RALYL: variants seen among roughly 807,000 people sequenced by gnomAD.
RALYL encodes the protein RNA-binding Raly-like protein.
Under a neutral mutation model 35.1 loss-of-function variants are expected in RALYL, and 29 were observed. The ratio of observed to expected loss-of-function variants is 0.83; its 90% CI spans 0.61 to 1.13. The LOEUF is 1.13. Ranked by LOEUF, RALYL falls within the 50% of genes most tolerant of loss-of-function variation. The pLI is 0.00. For synonymous variants in RALYL, 120 were observed against 127.6 expected, an observed-to-expected ratio of 0.94 and a Z score of 0.40; for missense variants, 359 against 360.4, an observed-to-expected ratio of 1.00 and a Z score of 0.03.
chr8:84,253,978 A>AAGGGCATTAATCCATTGAC (rs1830739266), intron 1 of RALYL, among the ~76,000 whole-genome samples: 3 of 152,230 alleles, frequency 2.0e-5, no homozygotes, highest in South Asian at 2.1e-4. Flanking sequence ...TATTTCTCAT[A>AAGGGCATTAATCCATTGAC]TTTTTGTAAA....
At chr8:84,590,071 A>G (rs1001671308) in intron 2 of RALYL, among the ~76,000 whole-genome samples, 1 of 152,214 alleles carries the variant, frequency 6.6e-6, no homozygotes, top group Admixed American at 6.5e-5. Context: ...TTTGGAAGAT[A>G]TAATCTTCCT....
intron 7 of RALYL, among the ~76,000 whole-genome samples, chr8:84,882,138 G>A (rs539433157): frequency 7.2e-5 from 11 of 151,972 alleles, no homozygotes; most frequent in African/African-American, 2.7e-4. Context: ...CATAATGTAG[G>A]TGTCTTAGAG....
At chr8:84,524,328 C>A (rs563116498) in intron 1 of RALYL, among the ~76,000 whole-genome samples, 39 of 152,242 alleles carry the variant, frequency 2.6e-4, no homozygotes, top group African/African-American at 8.7e-4. Flanking sequence ...GACATTTATG[C>A]AGCCAAAAAA....
chr8:84,640,166 A>C lies in RALYL; in HGVS notation c.256+110589A>C, dbSNP rs543749511. Among the ~76,000 whole-genome samples the C allele has an allele frequency of 7.7e-4, 117 of 152,156 alleles. 1 individual carries two copies. In the South Asian group the frequency reaches 0.012, roughly 16 times the overall value. ...ACAGAAACATAGGTCATTGTAAAACAATAGTTACTCATTTAACCCAAGTAA... is the reference window on the plus strand; with the variant it reads ...ACAGAAACATAGGTCATTGTAAAACCATAGTTACTCATTTAACCCAAGTAA... On this transcript the variant is annotated intron_variant, in intron 2 of 8. Coordinates refer to ENST00000521268, the MANE Select transcript of RALYL (RefSeq NM_173848.7).
At chr8:84,913,039 G>GATA (rs1357713065) in intron 8 of RALYL, among the ~76,000 whole-genome samples, 2,286 of 132,052 alleles carry the variant, frequency 0.017, 34 homozygotes, top group East Asian at 0.081. Context: ...TGGATAGGTA[G>GATA]GTAGATAGAT....
intron 2 of RALYL, among the ~76,000 whole-genome samples, chr8:84,588,661 T>G (rs1812533936): frequency 6.6e-6 from 1 of 152,112 alleles, no homozygotes; most frequent in Admixed American, 6.6e-5. Flanking sequence ...CCTCTTCCAC[T>G]GCATTGACCC....
chr8:84,679,922 A>G (rs1196816248), intron 2 of RALYL: 1 of 323,496 alleles, frequency 3.1e-6, no homozygotes, highest in Non-Finnish European at 6.1e-6. Flanking sequence ...ACATGTATAT[A>G]CATGTGCCAT....
chr8:84,215,532 C>T (rs1820600585), intron 1 of RALYL, among the ~76,000 whole-genome samples: 2 of 139,408 alleles, frequency 1.4e-5, no homozygotes, highest in Admixed American at 1.4e-4. Flanking sequence ...TTTATTTATG[C>T]ATAAGGTTTT....
chr8:84,597,471 A>C (rs1814839748), intron 2 of RALYL, among the ~76,000 whole-genome samples: 1 of 152,040 alleles, frequency 6.6e-6, no homozygotes. Context: ...TCAGCCTCAC[A>C]TGAGTCCTAT....
At chr8:84,251,026 G>A (rs905504802) in intron 1 of RALYL, among the ~76,000 whole-genome samples, 1 of 152,090 alleles carries the variant, frequency 6.6e-6, no homozygotes, top group Non-Finnish European at 1.5e-5. Flanking sequence ...AATTCGAAAA[G>A]GAGTAATGGT....
Position 84,211,988 on chromosome 8 carries a change from G to A in RALYL, c.-24+27564G>A, listed in dbSNP as rs551869114. Among the ~76,000 whole-genome samples the A allele has an allele frequency of 5.9e-5, 9 of 152,222 alleles. No individual in the cohort carries two copies. The East Asian group carries it at 1.2e-3, about 20-fold the overall frequency. ...AACCAAGGAAGAAATTGAGGCATAA[G>A]GAAGGTAAGTCCAAGGTCACAGAAC... On this transcript the variant is annotated intron_variant, in intron 1 of 8. Coordinates refer to ENST00000521268, the MANE Select transcript of RALYL (RefSeq NM_173848.7).
intron 1 of RALYL, among the ~76,000 whole-genome samples, chr8:84,388,503 G>A (rs1859798385): frequency 1.3e-5 from 2 of 152,116 alleles, no homozygotes; most frequent in South Asian, 4.1e-4. Context: ...TCCAGCACCT[G>A]TTGTTTCCTG....
chr8:84,811,275 C>T (rs1283809023), intron 4 of RALYL, among the ~76,000 whole-genome samples: 2 of 152,042 alleles, frequency 1.3e-5, no homozygotes, highest in Non-Finnish European at 2.9e-5. Context: ...ATATATGATG[C>T]TTAGTTTCGC....
chr8:84,821,056 G>A (rs1828404869), intron 4 of RALYL, among the ~76,000 whole-genome samples: 1 of 152,072 alleles, frequency 6.6e-6, no homozygotes, highest in African/African-American at 2.4e-5. Context: ...TCATCTCAAA[G>A]AAAGCTAATT....
intron 8 of RALYL, chr8:84,907,114 T>A (rs1020006939): frequency 3.9e-6 from 1 of 256,126 alleles, no homozygotes; most frequent in African/African-American, 2.3e-5. Context: ...GGAATACATT[T>A]TAATAATATT....
intron 2 of RALYL, among the ~76,000 whole-genome samples, chr8:84,748,868 G>T (rs903384710): frequency 6.6e-6 from 1 of 151,868 alleles, no homozygotes; most frequent in Non-Finnish European, 1.5e-5. Context: ...TCAACGAGCC[G>T]GCATTTCCCC....
chr8:84,425,177 G>T (rs2046229320), intron 1 of RALYL, among the ~76,000 whole-genome samples: 1 of 152,142 alleles, frequency 6.6e-6, no homozygotes, highest in Non-Finnish European at 1.5e-5. Context: ...TTTGATCTCA[G>T]ACTGCTGTGC....
chr8:84,310,122 T>A (rs1287694948), intron 1 of RALYL, among the ~76,000 whole-genome samples: 1 of 152,010 alleles, frequency 6.6e-6, no homozygotes, highest in East Asian at 1.9e-4. Context: ...GATAGCTCAC[T>A]GCAAGCTCTG....
chr8:84,762,567 A>G (rs1812968159), intron 2 of RALYL, among the ~76,000 whole-genome samples: 1 of 152,236 alleles, frequency 6.6e-6, no homozygotes, highest in Non-Finnish European at 1.5e-5. Context: ...AGGCCTTGCC[A>G]TAAGCAATGG....
Sources: allele counts gnomAD v4.1 joint callset (sites outside exome capture counted in the v4.1 genomes callset), GRCh38; gene constraint gnomAD v4.1.1; transcripts MANE v1.5; gene names NCBI Gene and HGNC (gene_info 2026-07-23, HGNC 2026-07-21).